FILIP1L: variants seen among roughly 807,000 people sequenced by gnomAD.
FILIP1L encodes filamin A-interacting protein 1-like.
A neutral mutation model predicts 96.6 loss-of-function variants in FILIP1L; 55 were observed. The ratio of observed to expected loss-of-function variants is 0.57; its 90% CI spans 0.46 to 0.71. The LOEUF is 0.71. FILIP1L is among the 30% of genes least tolerant of loss of function. The probability of loss-of-function intolerance (pLI) is 0.00; values close to 1 mark genes in which losing one functional copy is unlikely to be tolerated. For synonymous variants in FILIP1L, 467 were observed against 473.9 expected, an observed-to-expected ratio of 0.99 and a Z score of 0.19; for missense variants, 1,304 against 1,321.2, an observed-to-expected ratio of 0.99 and a Z score of 0.20.
intron 4 of FILIP1L, among the ~76,000 whole-genome samples, chr3:99,901,737 A>G (rs1295337342): frequency 6.6e-6 from 1 of 152,220 alleles, no homozygotes; most frequent in African/African-American, 2.4e-5. Flanking sequence ...ACGGGATGTA[A>G]GTAATGGGTA....
At chr3:100,060,474 C>A (rs2065543857) in intron 1 of FILIP1L, among the ~76,000 whole-genome samples, 1 of 151,812 alleles carries the variant, frequency 6.6e-6, no homozygotes, top group African/African-American at 2.4e-5. Context: ...AATCAGAGCA[C>A]ATTAGAATAG....
chr3:100,079,548 A>AT (rs2065900174), intron 1 of FILIP1L, among the ~76,000 whole-genome samples: 1 of 152,180 alleles, frequency 6.6e-6, no homozygotes, highest in Admixed American at 6.5e-5. Context: ...AAAAAAGTAG[A>AT]TTTTTTATTT....
At chr3:100,074,675 ATTTTTTTTTTTTTTTTTT>A (rs555819875) in intron 1 of FILIP1L, among the ~76,000 whole-genome samples, 35 of 34,784 alleles carry the variant, frequency 1.0e-3, no homozygotes, top group African/African-American at 2.4e-3. Flanking sequence ...GCAACATTTG[ATTTTTTTTTTTTTTTTTT>A]TTTTTTTTTT....
chr3:99,835,626 A>C (rs1315517126), intron 5 of FILIP1L, among the ~76,000 whole-genome samples: 7 of 152,248 alleles, frequency 4.6e-5, no homozygotes, highest in African/African-American at 1.7e-4. Flanking sequence ...GAAACTCTGC[A>C]AAGTCATATG....
chr3:100,101,692 C>T (rs1472802367), intron 1 of FILIP1L, among the ~76,000 whole-genome samples: 1 of 152,026 alleles, frequency 6.6e-6, no homozygotes, highest in African/African-American at 2.4e-5. Flanking sequence ...CATATGTATA[C>T]ATGTGCCATG....
chr3:99,973,108 CA>C (rs1339400808), intron 1 of FILIP1L, among the ~76,000 whole-genome samples: 1 of 152,052 alleles, frequency 6.6e-6, no homozygotes, highest in Non-Finnish European at 1.5e-5. Context: ...AGATGAAGGG[CA>C]AAATGAGGCC....
intron 4 of FILIP1L, among the ~76,000 whole-genome samples, chr3:99,907,537 G>A (rs563131753): frequency 1.3e-5 from 2 of 152,114 alleles, no homozygotes; most frequent in African/African-American, 4.8e-5. Context: ...GTGAGCCAAC[G>A]CACCTGGCGT....
intron 4 of FILIP1L, among the ~76,000 whole-genome samples, chr3:99,902,130 T>A (rs982981146): frequency 6.6e-6 from 1 of 152,214 alleles, no homozygotes; most frequent in Non-Finnish European, 1.5e-5. Flanking sequence ...ATAGAAATAT[T>A]CATGATGTTA....
chr3:99,929,840 C>T lies in FILIP1L; in HGVS notation c.426+16G>A. The T allele has an allele frequency of 6.2e-7, 1 of 1,600,208 alleles. No individual in the cohort carries two copies. The highest frequency in any genetic ancestry group is 8.5e-7 in the Non-Finnish European group (1 of 1,173,394). ...TTGGCTGCCTCCCAGGTACACACCC[C>T]TATTGTGGTACATACCTCATTCATT... On this transcript the variant is annotated intron_variant, in intron 3 of 5. Transcript: ENST00000477258.
chr3:100,060,976 C>T (rs902326956), intron 1 of FILIP1L, among the ~76,000 whole-genome samples: 11 of 152,092 alleles, frequency 7.2e-5, no homozygotes, highest in Admixed American at 2.0e-4. Flanking sequence ...CCTCATTAAC[C>T]GCACGAGGTG....
At chr3:99,978,906 G>A (rs556701642) in intron 1 of FILIP1L, among the ~76,000 whole-genome samples, 1 of 152,134 alleles carries the variant, frequency 6.6e-6, no homozygotes, top group African/African-American at 2.4e-5. Context: ...AGAAGCAGAA[G>A]TAGGGAGTAG....
intron 1 of FILIP1L, among the ~76,000 whole-genome samples, chr3:100,037,038 TA>T (rs576117073): frequency 2.0e-5 from 3 of 151,994 alleles, no homozygotes; most frequent in Non-Finnish European, 4.4e-5. Flanking sequence ...CAAAGAGACA[TA>T]AAAACTAAAT....
chr3:99,887,368 G>A (rs1705936003), intron 4 of FILIP1L, among the ~76,000 whole-genome samples: 1 of 152,204 alleles, frequency 6.6e-6, no homozygotes, highest in Non-Finnish European at 1.5e-5. Context: ...TTCCAGGAAG[G>A]AGAATGGTGG....
At chr3:100,045,101 C>G (rs1193122373) in intron 1 of FILIP1L, among the ~76,000 whole-genome samples, 1 of 152,224 alleles carries the variant, frequency 6.6e-6, no homozygotes, top group Non-Finnish European at 1.5e-5. Flanking sequence ...AAAAACAGAT[C>G]TGGCGCTCAC....
At chr3:99,951,423 C>G (rs559258070) in intron 1 of FILIP1L, among the ~76,000 whole-genome samples, 1 of 152,068 alleles carries the variant, frequency 6.6e-6, no homozygotes, top group Non-Finnish European at 1.5e-5. Flanking sequence ...TGTACTCTGT[C>G]GAATGAATGA....
intron 1 of FILIP1L, among the ~76,000 whole-genome samples, chr3:99,974,257 A>T: frequency 6.6e-6 from 1 of 152,228 alleles, no homozygotes; most frequent in East Asian, 1.9e-4. Flanking sequence ...CAGTATATAC[A>T]GTTCGTGCTT....
At chr3:100,108,350 C>G (rs1414057410) in intron 1 of FILIP1L, among the ~76,000 whole-genome samples, 3 of 152,148 alleles carry the variant, frequency 2.0e-5, no homozygotes, top group Non-Finnish European at 4.4e-5. Flanking sequence ...ATAACAGCCT[C>G]TCATTATTGA....
At chr3:100,077,566 G>T (rs1576027843) in intron 1 of FILIP1L, among the ~76,000 whole-genome samples, 1 of 152,170 alleles carries the variant, frequency 6.6e-6, no homozygotes, top group African/African-American at 2.4e-5. Flanking sequence ...TTGCAAGATA[G>T]CCTTCATCCC....
At chr3:99,876,302 G>T (rs1173192469) in intron 4 of FILIP1L, 2 of 677,586 alleles carry the variant, frequency 3.0e-6, no homozygotes, top group Non-Finnish European at 3.6e-6. Context: ...CGGCGGCGGC[G>T]CAGCCACACA....
Sources: gnomAD v4.1 joint callset for allele counts (sites outside exome capture counted in the v4.1 genomes callset) on GRCh38, gnomAD v4.1.1 for gene constraint, MANE v1.5 for transcripts, NCBI Gene and HGNC (gene_info 2026-07-23, HGNC 2026-07-21) for gene names.